Variants in CACNA2D4 observed in about 807,000 individuals in gnomAD.
CACNA2D4 encodes voltage-dependent calcium channel subunit alpha-2/delta-4.
Under a neutral mutation model 163.8 loss-of-function variants are expected in CACNA2D4, and 157 were observed. The observed-to-expected ratio is 0.96, with a 90% CI of 0.84 to 1.09. The LOEUF is 1.09. Among genes scored for constraint, CACNA2D4 ranks in the 50% least tolerant of loss-of-function variants. The pLI is 0.00. For synonymous variants in CACNA2D4, 598 were observed against 586.9 expected (o/e 1.02, Z -0.27); for missense variants, 1,410 against 1,479.9 (o/e 0.95, Z 0.78).
In CACNA2D4 at chr12:1,869,352, T is replaced by C. The variant is rs1348013173; in HGVS notation, c.1878+5252A>G. Among the ~76,000 whole-genome samples, 1 of 152,238 alleles carries C rather than the reference T, an allele frequency of 6.6e-6. No homozygotes were observed. The highest frequency in any genetic ancestry group is 1.5e-5 in the Non-Finnish European group (1 of 68,040). On this transcript the variant is annotated intron_variant, in intron 18 of 37. Transcript: ENST00000382722. The surrounding 1 kb of genome is among the most constrained non-coding windows in gnomAD (Gnocchi z 4.7). ...TGCTGTAACCTACCGTCGTGCTTTC[T>C]AGGCATGGGCCGAAGCCAGATTCAA...
intron 6 of CACNA2D4, among the ~76,000 whole-genome samples, chr12:1,893,764 A>G (rs1375727989): frequency 6.6e-6 from 1 of 152,180 alleles, no homozygotes; most frequent in Non-Finnish European, 1.5e-5. Context: ...TAAAAGCAGT[A>G]TAAAGAGGAC....
At chr12:1,871,028 CGCT>C (rs1412514975) in intron 18 of CACNA2D4, among the ~76,000 whole-genome samples, 4 of 152,116 alleles carry the variant, frequency 2.6e-5, no homozygotes, top group African/African-American at 7.2e-5. Flanking sequence ...GAATGCCAGC[CGCT>C]GGTGTGTGTG....
chr12:1,857,500 G>C (rs1440439283), intron 20 of CACNA2D4, among the ~76,000 whole-genome samples: 2 of 152,218 alleles, frequency 1.3e-5, no homozygotes, highest in East Asian at 3.8e-4. Flanking sequence ...AGGTGACAAT[G>C]ACCAGGATGG....
intron 18 of CACNA2D4, 122 bp from the exon 19 acceptor site, chr12:1,860,328 C>T: frequency 1.4e-6 from 1 of 716,190 alleles, no homozygotes; most frequent in East Asian, 2.7e-5. Flanking sequence ...TTCTTGTCTC[C>T]TCCCTGACCA....
chr12:1,799,723 G>T lies in CACNA2D4; in HGVS notation c.2975-28C>A, dbSNP rs1345998247. 1.3e-6 allele frequency: 2 copies of T among 1,566,940 alleles called. No individual in the cohort carries two copies. Among genetic ancestry groups the T allele is most frequent in the Admixed American group, 3.8e-5 (2 of 52,852 alleles). ...GGCCGGAACATAAGCCCAGCACAGGGTGGACACGGCACAGGAAAACATGGT... is the reference window on the plus strand; with the variant it reads ...GGCCGGAACATAAGCCCAGCACAGGTTGGACACGGCACAGGAAAACATGGT... On this transcript the variant is annotated intron_variant, in intron 33 of 37. Transcript: ENST00000382722. The surrounding 1 kb of genome is among the most constrained non-coding windows in gnomAD (Gnocchi z 4.7).
At chr12:1,831,869 C>T (rs1229542665) in intron 26 of CACNA2D4, among the ~76,000 whole-genome samples, 4 of 151,748 alleles carry the variant, frequency 2.6e-5, no homozygotes, top group Non-Finnish European at 4.4e-5. Context: ...GACACCTGGG[C>T]TTTGTATCCC....
chr12:1,817,004 T>G (rs535153140), intron 26 of CACNA2D4, among the ~76,000 whole-genome samples: 207 of 152,344 alleles, frequency 1.4e-3, no homozygotes, highest in African/African-American at 4.8e-3. Flanking sequence ...AGTCAGAAGC[T>G]CCAGCTTTGC....
chr12:1,862,264 G>A (rs988734109), intron 18 of CACNA2D4, among the ~76,000 whole-genome samples: 12 of 152,298 alleles, frequency 7.9e-5, no homozygotes, highest in African/African-American at 2.9e-4. Context: ...CATGGTAAAT[G>A]TATGTTTACC....
Position 1,809,295 on chromosome 12 carries a change from A to G in CACNA2D4, c.2721+983T>C, listed in dbSNP as rs935257754. ...GGCCACGACCTCTGCATCAGCCTCC[A>G]CATCCCAGGAACTTAGAGCCCTCAG... On this transcript the variant is annotated intron_variant, in intron 29 of 37. Coordinates refer to ENST00000382722, the MANE Select transcript of CACNA2D4 (RefSeq NM_172364.5). 1.5e-5 allele frequency: 8 copies of G among 550,704 alleles called. No homozygotes were observed. In the African/African-American group the frequency reaches 1.5e-4, roughly 10 times the overall value. 34.1% of individuals were successfully genotyped at this position (550,704 alleles called of 1,614,324 possible).
At chr12:1,856,315 G>C in intron 20 of CACNA2D4, 86 bp from the exon 21 acceptor site, 15 of 1,443,150 alleles carry the variant, frequency 1.0e-5, no homozygotes, top group Non-Finnish European at 4.9e-6. Flanking sequence ...CACCCAGTGA[G>C]TTTCTAAAGA....
In CACNA2D4 at chr12:1,834,950, T is replaced by C. The variant is rs1297509436; in HGVS notation, c.2551+5789A>G. 1 of 741,720 alleles carries C rather than the reference T, an allele frequency of 1.3e-6. No homozygotes were observed. Among genetic ancestry groups the C allele is most frequent in the Non-Finnish European group, 2.1e-6 (1 of 481,370 alleles). 45.9% of individuals were successfully genotyped at this position (741,720 alleles called of 1,614,324 possible). A position where few individuals can be genotyped will look rare whatever the true frequency, so the allele number is the denominator to read the frequency against. ...TGCTCCTGTCTGGGCCAGTAAATCT[T>C]TGGAACATGTGGGGGATCTCCCTAA... On this transcript the variant is annotated intron_variant, in intron 26 of 37. Coordinates refer to ENST00000382722, the MANE Select transcript of CACNA2D4 (RefSeq NM_172364.5). The surrounding 1 kb of genome is among the most constrained non-coding windows in gnomAD (Gnocchi z 7.6).
rs577942832 is a variant in CACNA2D4, at chr12:1,915,334, C to T, written c.228-399G>A. On this transcript the variant is annotated intron_variant, in intron 1 of 37. Transcript: ENST00000382722. ...GCTGAGGGTTGTGGGGCCGGGCTGACGAGCCCAGGACTGAGCTTGACCCCA... is the reference window on the plus strand; with the variant it reads ...GCTGAGGGTTGTGGGGCCGGGCTGATGAGCCCAGGACTGAGCTTGACCCCA... 3.7e-4 allele frequency: 255 copies of T among 692,564 alleles called. No homozygotes were observed. The African/African-American group carries it at 4.1e-3, about 11-fold the overall frequency. The allele number at this position is 692,564 out of a possible 1,614,324, so 42.9% of individuals were successfully genotyped here. A position where few individuals can be genotyped will look rare whatever the true frequency, so the allele number is the denominator to read the frequency against.
At chr12:1,812,004 G>C (rs991674782) in intron 26 of CACNA2D4, among the ~76,000 whole-genome samples, 2 of 152,182 alleles carry the variant, frequency 1.3e-5, no homozygotes, top group Admixed American at 1.3e-4. Context: ...AACGAGGGCA[G>C]ATTCATCCTA....
chr12:1,844,625 A>G lies in CACNA2D4; in HGVS notation c.2343-96T>C, dbSNP rs1396623478. Reference sequence around the variant, plus strand: ...ACAAGGTCAACTTGGCTGGGCTAAGAGAGTGATTTTAGCCCCTAAATTAGT... The same window carrying G: ...ACAAGGTCAACTTGGCTGGGCTAAGGGAGTGATTTTAGCCCCTAAATTAGT... On this transcript the variant is annotated intron_variant, in intron 24 of 37. Coordinates refer to ENST00000382722, the MANE Select transcript of CACNA2D4 (RefSeq NM_172364.5). This position sits in a 1 kb window ranked among gnomAD's most constrained non-coding sequence, Gnocchi z 4.2. 1 of 1,381,796 alleles carries G rather than the reference A, an allele frequency of 7.2e-7. No homozygotes were observed. The highest frequency in any genetic ancestry group is 1.4e-5 in the African/African-American group (1 of 69,998). The allele number at this position is 1,381,796 out of a possible 1,614,324, so 85.6% of individuals were successfully genotyped here. A position where few individuals can be genotyped will look rare whatever the true frequency, so the allele number is the denominator to read the frequency against.
intron 34 of CACNA2D4, chr12:1,797,794 G>A (rs117980475): frequency 0.011 from 6,180 of 549,798 alleles, 52 homozygotes; most frequent in Non-Finnish European, 0.015. Context: ...GCTTCCTCTG[G>A]GGAGCCTGGC....
intron 6 of CACNA2D4, among the ~76,000 whole-genome samples, chr12:1,904,345 A>C (rs1866606181): frequency 6.6e-6 from 1 of 152,050 alleles, no homozygotes; most frequent in South Asian, 2.1e-4. Context: ...ATTTAATTTT[A>C]CATTTTAAAA....
At chr12:1,880,102 G>T (rs567733036) in intron 13 of CACNA2D4, among the ~76,000 whole-genome samples, 4 of 152,344 alleles carry the variant, frequency 2.6e-5, no homozygotes, top group African/African-American at 9.6e-5. Flanking sequence ...GCAGGACCAG[G>T]CTGATGTCAC....
Position 1,809,605 on chromosome 12 carries a change from C to G in CACNA2D4, c.2721+673G>C, listed in dbSNP as rs574266880. 38 of 697,790 alleles carry G rather than the reference C, an allele frequency of 5.4e-5. No individual in the cohort carries two copies. In the East Asian group the frequency reaches 9.9e-4, roughly 18 times the overall value. The allele number at this position is 697,790 out of a possible 1,614,324, so 43.2% of individuals were successfully genotyped here. A position where few individuals can be genotyped will look rare whatever the true frequency, so the allele number is the denominator to read the frequency against. On this transcript the variant is annotated intron_variant, in intron 29 of 37. Transcript: ENST00000382722. ...TCCATTTTGAGGCCCCTTTTGGAGC[C>G]CAGCAAGTATAAAAATATTATTGTA...
rs1247288707 is a variant in CACNA2D4 at position 1,802,390 on chromosome 12, C to G, written c.2722-746G>C. On this transcript the variant is annotated intron_variant, in intron 29 of 37. Coordinates refer to ENST00000382722, the MANE Select transcript of CACNA2D4 (RefSeq NM_172364.5). This position sits in a 1 kb window ranked among gnomAD's most constrained non-coding sequence, Gnocchi z 4.7. The stretch of plus-strand genomic sequence containing the variant: ...TCATTTCCAAAAAATAAAACAGGAC[C>G]CTCCCTCCTGCCCCCGGCTCCCCTT... Among the ~76,000 whole-genome samples the G allele has an allele frequency of 6.6e-6, 1 of 152,172 alleles. No homozygotes were observed. The highest frequency in any genetic ancestry group is 1.5e-5 in the Non-Finnish European group (1 of 68,046).
Sources: allele counts gnomAD v4.1 joint callset (sites outside exome capture counted in the v4.1 genomes callset), GRCh38; gene constraint gnomAD v4.1.1; non-coding constraint Gnocchi (gnomAD v3.1); transcripts MANE v1.5; gene names NCBI Gene and HGNC (gene_info 2026-07-23, HGNC 2026-07-21).